Variants in KCTD8 observed in about 807,000 individuals in gnomAD.
KCTD8 encodes the protein potassium channel tetramerization domain containing 8.
KCTD8 carries 27 observed loss-of-function variants against 31.5 expected under a neutral mutation model. That is an observed-to-expected ratio of 0.86 (90% CI 0.63 to 1.18). The LOEUF is 1.18. KCTD8 is among the 50% of genes most tolerant of loss of function. KCTD8 has a pLI of 0.00. For missense variants in KCTD8, 658 were observed against 647.7 expected, an observed-to-expected ratio of 1.02 and a Z score of -0.17; for synonymous variants, 290 against 280.0, an observed-to-expected ratio of 1.04 and a Z score of -0.36.
intron 1 of KCTD8, among the ~76,000 whole-genome samples, chr4:44,283,059 TTATTA>T (rs1716945931): frequency 9.0e-6 from 1 of 111,580 alleles, no homozygotes; most frequent in Non-Finnish European, 2.2e-5. Flanking sequence ...ATTATTATTA[TTATTA>T]TTATTATTAT....
chr4:44,404,849 T>G (rs1720746588), intron 1 of KCTD8, among the ~76,000 whole-genome samples: 1 of 152,188 alleles, frequency 6.6e-6, no homozygotes, highest in Non-Finnish European at 1.5e-5. Context: ...GAACATTCCT[T>G]GAAATACTGA....
rs796232171 is a variant in KCTD8, at chr4:44,324,363, C to G, written c.961+123200G>C. Among the ~76,000 whole-genome samples the G allele has an allele frequency of 9.9e-5, 15 of 152,020 alleles. 1 individual carries two copies. Among genetic ancestry groups the G allele is most frequent in the African/African-American group, 3.4e-4 (14 of 41,374 alleles). On this transcript the variant is annotated intron_variant, in intron 1 of 1. Transcript: ENST00000360029. ...CTAACTCTTTTTTGATGGGTACATT[C>G]TTTCTTTTGATATTTTACTGTCTTC...
chr4:44,268,957 C>G (rs532802254), intron 1 of KCTD8, among the ~76,000 whole-genome samples: 1 of 152,272 alleles, frequency 6.6e-6, no homozygotes, highest in South Asian at 2.1e-4. Flanking sequence ...TGAAAACGGC[C>G]ATCCTGCCCA....
At chr4:44,358,745 A>G (rs1719417094) in intron 1 of KCTD8, among the ~76,000 whole-genome samples, 1 of 151,688 alleles carries the variant, frequency 6.6e-6, no homozygotes, top group African/African-American at 2.4e-5. Flanking sequence ...ATTTTTTTGT[A>G]TTTTTAGCAG....
chr4:44,179,997 A>G (rs1713332174), intron 1 of KCTD8, among the ~76,000 whole-genome samples: 1 of 152,180 alleles, frequency 6.6e-6, no homozygotes, highest in South Asian at 2.1e-4. Context: ...TCAGTGGCCC[A>G]AAGCCACTTG....
chr4:44,328,412 T>C (rs911008983), intron 1 of KCTD8, among the ~76,000 whole-genome samples: 4 of 151,926 alleles, frequency 2.6e-5, no homozygotes, highest in Non-Finnish European at 4.4e-5. Flanking sequence ...AAGAGGTCTT[T>C]ACCCAGCTGA....
intron 1 of KCTD8, among the ~76,000 whole-genome samples, chr4:44,206,094 T>A (rs887617615): frequency 1.3e-5 from 2 of 151,938 alleles, no homozygotes; most frequent in South Asian, 2.1e-4. Flanking sequence ...TTATTTATTT[T>A]TTTTTAATTT....
At chr4:44,260,280 GATA>G (rs1246856760) in intron 1 of KCTD8, among the ~76,000 whole-genome samples, 2 of 151,684 alleles carry the variant, frequency 1.3e-5, no homozygotes, top group Admixed American at 6.6e-5. Context: ...ATATGAAAGT[GATA>G]ATAATAATTT....
At chr4:44,257,260 C>T (rs375588183) in intron 1 of KCTD8, among the ~76,000 whole-genome samples, 2 of 151,922 alleles carry the variant, frequency 1.3e-5, no homozygotes, top group African/African-American at 4.8e-5. Flanking sequence ...AAATGTGACC[C>T]TGAATGTATA....
chr4:44,367,187 G>C (rs1443630587), intron 1 of KCTD8, among the ~76,000 whole-genome samples: 2 of 152,026 alleles, frequency 1.3e-5, no homozygotes, highest in East Asian at 3.9e-4. Context: ...CTTACCTCAG[G>C]CATAGTGTCC....
chr4:44,341,812 C>T (rs373737534), intron 1 of KCTD8, among the ~76,000 whole-genome samples: 4 of 152,264 alleles, frequency 2.6e-5, no homozygotes, highest in Admixed American at 2.0e-4. Flanking sequence ...TTTTGACTCC[C>T]TCCCAAGACA....
intron 1 of KCTD8, among the ~76,000 whole-genome samples, chr4:44,382,519 C>T (rs1720096125): frequency 6.6e-6 from 1 of 151,802 alleles, no homozygotes; most frequent in Non-Finnish European, 1.5e-5. Flanking sequence ...CTGAGGTCAA[C>T]AGTTCAAGAC....
chr4:44,359,325 T>C (rs115169758), intron 1 of KCTD8, among the ~76,000 whole-genome samples: 10,083 of 152,184 alleles, frequency 0.066, 443 homozygotes, highest in Middle Eastern at 0.11. Context: ...TGGCTTTCCC[T>C]GAAACATCAA....
chr4:44,182,774 G>A (rs866271324), intron 1 of KCTD8, among the ~76,000 whole-genome samples: 52 of 151,856 alleles, frequency 3.4e-4, no homozygotes, highest in African/African-American at 1.1e-3. Context: ...AAACACCCAA[G>A]AATGATCAAT....
intron 1 of KCTD8, among the ~76,000 whole-genome samples, chr4:44,427,576 A>G (rs1247268586): frequency 6.6e-6 from 1 of 151,668 alleles, no homozygotes. Context: ...ATAACCAAAT[A>G]ACCATCTACA....
At chr4:44,219,677 G>A (rs963102467) in intron 1 of KCTD8, among the ~76,000 whole-genome samples, 1 of 152,136 alleles carries the variant, frequency 6.6e-6, no homozygotes, top group Non-Finnish European at 1.5e-5. Context: ...AGAACTATGA[G>A]AGAATAAATG....
At chr4:44,437,270 T>A (rs1473954614) in intron 1 of KCTD8, among the ~76,000 whole-genome samples, 2 of 152,104 alleles carry the variant, frequency 1.3e-5, no homozygotes, top group African/African-American at 4.8e-5. Context: ...ATCTTATGTA[T>A]CTATTAGGCA....
At chr4:44,208,091 G>T (rs76712179) in intron 1 of KCTD8, among the ~76,000 whole-genome samples, 4,853 of 152,212 alleles carry the variant, frequency 0.032, 258 homozygotes, top group African/African-American at 0.11. Flanking sequence ...GTCCACCACA[G>T]TTTTCCTCTT....
chr4:44,194,510 T>C (rs923936030), intron 1 of KCTD8, among the ~76,000 whole-genome samples: 1 of 152,236 alleles, frequency 6.6e-6, no homozygotes, highest in African/African-American at 2.4e-5. Flanking sequence ...ATATTAATGG[T>C]TATTCATTAA....
Sources: gnomAD v4.1 joint callset for allele counts (sites outside exome capture counted in the v4.1 genomes callset) on GRCh38, gnomAD v4.1.1 for gene constraint, MANE v1.5 for transcripts, NCBI Gene and HGNC (gene_info 2026-07-23, HGNC 2026-07-21) for gene names.